Variants in ATPSCKMT observed in about 807,000 individuals in gnomAD.
ATPSCKMT encodes ATP synthase subunit C lysine N-methyltransferase.
ATPSCKMT carries 24 observed loss-of-function variants against 24.3 expected under a neutral mutation model. That is an observed-to-expected ratio of 0.99 (90% CI 0.71 to 1.39). The LOEUF (loss-of-function observed/expected upper bound fraction) is 1.39. ATPSCKMT is among the 40% of genes most tolerant of loss of function. ATPSCKMT has a pLI of 0.00. For synonymous variants in ATPSCKMT, 95 were observed against 110.5 expected, an observed-to-expected ratio of 0.86 and a Z score of 0.88; for missense variants, 311 against 298.4, an observed-to-expected ratio of 1.04 and a Z score of -0.31.
Position 10,227,522 on chromosome 5 carries a change from C to G in ATPSCKMT, c.621G>C (p.Trp207Cys). Residue 207 changes from tryptophan to cysteine, a missense_variant, in exon 5 of 5, where the codon TGG becomes TGC. By Grantham distance (215) the Trp-to-Cys change is radical. Transcript: ENST00000511437. Reference protein sequence around the residue: ...HVTGEGIDTVWAYDASTFRGR... With the variant: ...HVTGEGIDTVCAYDASTFRGR... ...CTCTAAAAGTGCTTGCATCATATGC[C>G]CACACTGTGTCTATCCCCTCCCCCG... 6.2e-7 allele frequency: 1 copy of G among 1,614,156 alleles called. No homozygotes were observed. Among genetic ancestry groups the G allele is most frequent in the Non-Finnish European group, 8.5e-7 (1 of 1,180,030 alleles).
At chr5:10,245,690 T>A (rs4702682) in intron 1 of ATPSCKMT, among the ~76,000 whole-genome samples, 50,602 of 149,022 alleles carry the variant, frequency 0.34, 9,722 homozygotes, top group East Asian at 0.72. Flanking sequence ...GAGGTTGCAG[T>A]GAGCCGAGAT....
Position 10,227,349 on chromosome 5 carries a change from G to A in ATPSCKMT, c.*92C>T, listed in dbSNP as rs1743926397. ...TAGTAATTTCTCATTCCAAACCAAAGACAATTATGCTCCTTTGCTAAGGAC... is the reference window on the plus strand; with the variant it reads ...TAGTAATTTCTCATTCCAAACCAAAAACAATTATGCTCCTTTGCTAAGGAC... On this transcript the variant is annotated 3_prime_UTR_variant, in exon 5 of 5. Transcript: ENST00000511437. 7.5e-7 allele frequency: 1 copy of A among 1,340,364 alleles called. No homozygotes were observed. The highest frequency in any genetic ancestry group is 1.0e-6 in the Non-Finnish European group (1 of 962,254). The allele number at this position is 1,340,364 out of a possible 1,614,324, so 83.0% of individuals were successfully genotyped here.
intron 2 of ATPSCKMT, 111 bp downstream of exon 2, chr5:10,238,956 C>T: frequency 7.8e-7 from 1 of 1,283,974 alleles, no homozygotes; most frequent in Non-Finnish European, 1.1e-6. Flanking sequence ...ATGAAATGAG[C>T]ACTCTTTCAA....
chr5:10,247,218 A>G (rs1333810332), intron 1 of ATPSCKMT, among the ~76,000 whole-genome samples: 3 of 152,256 alleles, frequency 2.0e-5, no homozygotes, highest in Admixed American at 6.5e-5. Flanking sequence ...TTGCAACGTA[A>G]CAAACATTTG....
At chr5:10,241,327 G>A (rs1233310894) in intron 1 of ATPSCKMT, among the ~76,000 whole-genome samples, 1 of 152,186 alleles carries the variant, frequency 6.6e-6, no homozygotes, top group Non-Finnish European at 1.5e-5. Context: ...GCAGGAATTA[G>A]AATGTGGACA....
intron 1 of ATPSCKMT, among the ~76,000 whole-genome samples, chr5:10,242,214 T>C (rs1257437573): frequency 6.6e-6 from 1 of 152,224 alleles, no homozygotes; most frequent in Non-Finnish European, 1.5e-5. Context: ...GTGATGCTGT[T>C]TGATAGCATT....
chr5:10,237,404 C>T (rs1433385983), intron 2 of ATPSCKMT, among the ~76,000 whole-genome samples: 1 of 152,234 alleles, frequency 6.6e-6, no homozygotes, highest in Non-Finnish European at 1.5e-5. Context: ...TGGTTTGGCT[C>T]TGTGTCCCCA....
intron 2 of ATPSCKMT, 81 bp downstream of exon 2, chr5:10,238,986 T>G: frequency 6.8e-7 from 1 of 1,479,946 alleles, no homozygotes; most frequent in Non-Finnish European, 9.1e-7. Flanking sequence ...TTTAGTTAAG[T>G]CTTTGTGTAA....
chr5:10,247,560 G>A (rs1744991433), intron 1 of ATPSCKMT, among the ~76,000 whole-genome samples: 1 of 152,092 alleles, frequency 6.6e-6, no homozygotes, highest in Non-Finnish European at 1.5e-5. Context: ...GCCCAGGCTG[G>A]TCTCAAACTC....
chr5:10,240,279 A>G (rs1744579993), intron 1 of ATPSCKMT, among the ~76,000 whole-genome samples: 1 of 152,116 alleles, frequency 6.6e-6, no homozygotes, highest in Non-Finnish European at 1.5e-5. Flanking sequence ...TTTTAGTACT[A>G]TCATAAACAT....
At position 10,227,339 on chromosome 5, in the gene ATPSCKMT, C is replaced by T; in HGVS notation, c.*102G>A. 1 of 1,261,686 alleles carries T rather than the reference C, an allele frequency of 7.9e-7. No homozygotes were observed. The highest frequency in any genetic ancestry group is 1.3e-5 in the South Asian group (1 of 74,378). 78.2% of individuals were successfully genotyped at this position (1,261,686 alleles called of 1,614,324 possible). The stretch of plus-strand genomic sequence containing the variant: ...AGGAAAGTAATAGTAATTTCTCATT[C>T]CAAACCAAAGACAATTATGCTCCTT... On this transcript the variant is annotated 3_prime_UTR_variant, in exon 5 of 5. Coordinates refer to ENST00000511437, the MANE Select transcript of ATPSCKMT (RefSeq NM_199133.4).
intron 1 of ATPSCKMT, among the ~76,000 whole-genome samples, chr5:10,242,407 C>T (rs1229617141): frequency 6.6e-6 from 1 of 152,232 alleles, no homozygotes; most frequent in African/African-American, 2.4e-5. Flanking sequence ...CCATAAAAAG[C>T]AACTCCTCAT....
intron 4 of ATPSCKMT, among the ~76,000 whole-genome samples, chr5:10,233,090 G>A (rs1744223616): frequency 6.6e-6 from 1 of 152,166 alleles, no homozygotes; most frequent in Non-Finnish European, 1.5e-5. Context: ...TCAGAAGCAG[G>A]GGTGAGGGTT....
chr5:10,244,953 T>C (rs1435338697), intron 1 of ATPSCKMT, among the ~76,000 whole-genome samples: 1 of 151,678 alleles, frequency 6.6e-6, no homozygotes, highest in Non-Finnish European at 1.5e-5. Flanking sequence ...TGTACATGTG[T>C]CATGCCCTCT....
intron 1 of ATPSCKMT, chr5:10,248,641 G>C (rs1579438088): frequency 6.6e-6 from 1 of 152,372 alleles, no homozygotes; most frequent in African/African-American, 2.4e-5. Flanking sequence ...CTGAACTCCT[G>C]GGCTCCACCC....
Position 10,227,280 on chromosome 5 carries a change from C to A in ATPSCKMT, c.*161G>T. On this transcript the variant is annotated 3_prime_UTR_variant, in exon 5 of 5. Transcript: ENST00000511437. ...GCATCAAAAGCAGATTTTAAATCTA[C>A]CTGTTTTTCTTCGTTTGTTTTCTCC... is the stretch of plus-strand genomic sequence containing the variant. The A allele has an allele frequency of 1.4e-6, 1 of 727,074 alleles. No individual in the cohort carries two copies. The highest frequency in any genetic ancestry group is 2.2e-6 in the Non-Finnish European group (1 of 456,760). The allele number at this position is 727,074 out of a possible 1,614,324, so 45.0% of individuals were successfully genotyped here.
At chr5:10,239,881 A>G (rs2445871) in intron 1 of ATPSCKMT, among the ~76,000 whole-genome samples, 23,648 of 152,186 alleles carry the variant, frequency 0.16, 3,361 homozygotes, top group East Asian at 0.75. Context: ...GTTTTACCAA[A>G]TATCTTAAAT....
chr5:10,243,054 T>C (rs1302358198), intron 1 of ATPSCKMT, among the ~76,000 whole-genome samples: 2 of 152,250 alleles, frequency 1.3e-5, no homozygotes, highest in East Asian at 1.9e-4. Context: ...ATTTTCAGAA[T>C]GGCCAGTAAG....
intron 1 of ATPSCKMT, among the ~76,000 whole-genome samples, chr5:10,241,529 A>G (rs1744646100): frequency 6.6e-6 from 1 of 152,168 alleles, no homozygotes; most frequent in Non-Finnish European, 1.5e-5. Flanking sequence ...GCCCCTTAAA[A>G]TGAGTTGTAA....
Sources: allele counts gnomAD v4.1 joint callset (sites outside exome capture counted in the v4.1 genomes callset), GRCh38; gene constraint gnomAD v4.1.1; transcripts MANE v1.5; gene names NCBI Gene and HGNC (gene_info 2026-07-23, HGNC 2026-07-21).